KCNIP1: variants seen among roughly 807,000 people sequenced by gnomAD.
KCNIP1 encodes A-type potassium channel modulatory protein KCNIP1.
A neutral mutation model predicts 33.0 loss-of-function variants in KCNIP1; 18 were observed. The ratio of observed to expected loss-of-function variants is 0.55; its 90% confidence interval spans 0.38 to 0.81. The LOEUF is 0.81. Ranked by LOEUF, KCNIP1 falls within the 30% of genes least tolerant of loss-of-function variation. The pLI is 0.00. For synonymous variants in KCNIP1, 93 were observed against 98.3 expected, an observed-to-expected ratio of 0.95 and a Z score of 0.32; for missense variants, 238 against 271.6, an observed-to-expected ratio of 0.88 and a Z score of 0.87.
intron 1 of KCNIP1, among the ~76,000 whole-genome samples, chr5:170,708,624 C>T (rs1763340981): frequency 1.3e-5 from 2 of 152,190 alleles, no homozygotes; most frequent in South Asian, 4.1e-4. Context: ...TTGAATTAGG[C>T]TAGGCATGGT....
Position 170,504,240 on chromosome 5 carries a change from C to A in KCNIP1, c.-333C>A. On this transcript the variant is annotated 5_prime_UTR_variant, in exon 1 of 8. Coordinates refer to ENST00000328939, the MANE Select transcript of KCNIP1 (RefSeq NM_014592.4). This position sits in a 1 kb window ranked among gnomAD's most constrained non-coding sequence, Gnocchi z 6.0. ...TGGCTCGGCAGCCTCGGCCGGGCGG[C>A]CGCTCTGGCCCCGTGTCCAGTGCCA... 1 of 1,086,400 alleles carries A rather than the reference C, an allele frequency of 9.2e-7. No individual in the cohort carries two copies. Among genetic ancestry groups the A allele is most frequent in the Non-Finnish European group, 1.1e-6 (1 of 895,992 alleles). The allele number at this position is 1,086,400 out of a possible 1,614,324, so 67.3% of individuals were successfully genotyped here. A position where few individuals can be genotyped will look rare whatever the true frequency, so the allele number is the denominator to read the frequency against.
At chr5:170,665,082 G>A (rs1370513026) in intron 1 of KCNIP1, among the ~76,000 whole-genome samples, 4 of 152,170 alleles carry the variant, frequency 2.6e-5, no homozygotes, top group East Asian at 3.8e-4. Flanking sequence ...ATGGAAGCCC[G>A]AACCCCCAGA....
chr5:170,426,247 T>TCACACACA (rs143211356), intron 1 of KCNIP1, among the ~76,000 whole-genome samples: 20,022 of 149,072 alleles, frequency 0.13, 2,267 homozygotes, highest in African/African-American at 0.32. Context: ...TCAAAAGGAA[T>TCACACACA]CACACACACA....
At chr5:170,608,765 A>C (rs1759031983) in intron 1 of KCNIP1, among the ~76,000 whole-genome samples, 1 of 152,126 alleles carries the variant, frequency 6.6e-6, no homozygotes, top group Non-Finnish European at 1.5e-5. Flanking sequence ...TGTCTCAAAA[A>C]AAAAAAAAAA....
chr5:170,551,864 T>G (rs1215497565), intron 1 of KCNIP1, among the ~76,000 whole-genome samples: 1 of 144,918 alleles, frequency 6.9e-6, no homozygotes, highest in African/African-American at 2.7e-5. Flanking sequence ...GACTGTGTGT[T>G]TGAGTGTGTG....
intron 1 of KCNIP1, among the ~76,000 whole-genome samples, chr5:170,474,216 T>G (rs1419396357): frequency 6.6e-6 from 1 of 152,192 alleles, no homozygotes; most frequent in Non-Finnish European, 1.5e-5. Flanking sequence ...TTTTTATCTT[T>G]ATAACGAGAC....
At chr5:170,635,349 G>T (rs1760240464) in intron 1 of KCNIP1, among the ~76,000 whole-genome samples, 2 of 152,188 alleles carry the variant, frequency 1.3e-5, no homozygotes, top group Non-Finnish European at 2.9e-5. Context: ...TTTTAAAGTA[G>T]ATGTTCTAAG....
intron 1 of KCNIP1, among the ~76,000 whole-genome samples, chr5:170,406,806 C>A (rs551482927): frequency 2.0e-5 from 3 of 152,170 alleles, no homozygotes; most frequent in Non-Finnish European, 4.4e-5. Context: ...GAACCCCAGG[C>A]CTTCCGCATT....
intron 1 of KCNIP1, among the ~76,000 whole-genome samples, chr5:170,497,549 G>T (rs894153184): frequency 6.6e-5 from 10 of 152,136 alleles, no homozygotes; most frequent in Admixed American, 5.9e-4. Flanking sequence ...TGGGGGAAAA[G>T]GTTCACAGGT....
chr5:170,726,745 CAAA>C (rs57173351), intron 5 of KCNIP1, among the ~76,000 whole-genome samples: 5 of 56,678 alleles, frequency 8.8e-5, no homozygotes, highest in Non-Finnish European at 1.4e-4. Flanking sequence ...ACTAAAAATA[CAAA>C]AAAAAAAAAA....
intron 1 of KCNIP1, among the ~76,000 whole-genome samples, chr5:170,530,416 C>G (rs576562856): frequency 1.8e-4 from 28 of 152,328 alleles, no homozygotes; most frequent in African/African-American, 6.7e-4. Flanking sequence ...GATAAAGAAA[C>G]TGGGAGTCAA....
chr5:170,618,166 G>A (rs191638101), intron 1 of KCNIP1, among the ~76,000 whole-genome samples: 2 of 152,220 alleles, frequency 1.3e-5, no homozygotes, highest in East Asian at 3.9e-4. Flanking sequence ...GTAAACATCC[G>A]GGCGTAATCA....
chr5:170,630,787 T>C (rs191822411), intron 1 of KCNIP1, among the ~76,000 whole-genome samples: 131 of 152,192 alleles, frequency 8.6e-4, no homozygotes, highest in African/African-American at 2.9e-3. Flanking sequence ...AAGAAACAGA[T>C]TGCATGACTG....
intron 1 of KCNIP1, among the ~76,000 whole-genome samples, chr5:170,398,541 T>C (rs530642340): frequency 6.6e-6 from 1 of 152,366 alleles, no homozygotes; most frequent in South Asian, 2.1e-4. Context: ...TAAATTTGCT[T>C]TCTTTAGATT....
In KCNIP1 at chr5:170,434,791, C is replaced by T. The variant is rs374008550; in HGVS notation, c.88+80827C>T. On this transcript the variant is annotated intron_variant, in intron 1 of 7. Transcript: ENST00000377360. ...TCAACATGGTGAAACCCCATCTCTA[C>T]TTAAAATACAAAAATCAGCCGGGCG... is the stretch of plus-strand genomic sequence containing the variant. Among the ~76,000 whole-genome samples the T allele has an allele frequency of 2.0e-5, 3 of 152,286 alleles. No homozygotes were observed. The East Asian group carries it at 5.8e-4, about 29-fold the overall frequency.
intron 1 of KCNIP1, among the ~76,000 whole-genome samples, chr5:170,518,075 G>A (rs1178966871): frequency 6.6e-6 from 1 of 151,986 alleles, no homozygotes; most frequent in African/African-American, 2.4e-5. Flanking sequence ...GATAGTGATG[G>A]TGGTGGTGTG....
intron 1 of KCNIP1, among the ~76,000 whole-genome samples, chr5:170,424,901 C>T (rs1173362439): frequency 1.3e-5 from 2 of 152,206 alleles, no homozygotes; most frequent in African/African-American, 4.8e-5. Flanking sequence ...TTTATCTGGG[C>T]GTCTTGGCTT....
chr5:170,609,789 C>T (rs1004613982), intron 1 of KCNIP1, among the ~76,000 whole-genome samples: 2 of 152,142 alleles, frequency 1.3e-5, no homozygotes, highest in African/African-American at 4.8e-5. Context: ...CCCAGAAATT[C>T]GAGGTTGCAG....
chr5:170,392,359 A>G (rs1168626189), intron 1 of KCNIP1, among the ~76,000 whole-genome samples: 1 of 152,214 alleles, frequency 6.6e-6, no homozygotes, highest in East Asian at 1.9e-4. Context: ...CTAATGTTTC[A>G]TGCCCCTGCG....
Sources: allele counts gnomAD v4.1 joint callset (sites outside exome capture counted in the v4.1 genomes callset), GRCh38; gene constraint gnomAD v4.1.1; non-coding constraint Gnocchi (gnomAD v3.1); transcripts MANE v1.5; gene names NCBI Gene and HGNC (gene_info 2026-07-23, HGNC 2026-07-21).